The following TNFAIP8 variants were observed in gnomAD, a reference collection of about 807,000 sequenced individuals.
TNFAIP8 encodes tumor necrosis factor alpha-induced protein 8.
TNFAIP8 carries 7 observed loss-of-function variants against 13.3 expected under a neutral mutation model. That is an observed-to-expected ratio of 0.52 (90% CI 0.30 to 0.99). The LOEUF is 0.99. Among genes scored for constraint, TNFAIP8 ranks in the 50% least tolerant of loss-of-function variants. The probability of loss-of-function intolerance (pLI) is 0.07; values close to 1 mark genes in which losing one functional copy is unlikely to be tolerated. For missense variants in TNFAIP8, 258 were observed against 236.9 expected, an observed-to-expected ratio of 1.09 and a Z score of -0.58; for synonymous variants, 94 against 87.6, an observed-to-expected ratio of 1.07 and a Z score of -0.41.
chr5:119,320,109 A>G (rs947142370), intron 1 of TNFAIP8, among the ~76,000 whole-genome samples: 9 of 152,190 alleles, frequency 5.9e-5, no homozygotes, highest in Admixed American at 2.6e-4. Context: ...AGGGGATTCA[A>G]GTAGTGGACT....
At chr5:119,315,554 G>C (rs1248667686) in intron 1 of TNFAIP8, among the ~76,000 whole-genome samples, 4 of 152,184 alleles carry the variant, frequency 2.6e-5, no homozygotes, top group Non-Finnish European at 5.9e-5. Flanking sequence ...CCACAGTCTA[G>C]CTCCCAGGGG....
intron 1 of TNFAIP8, among the ~76,000 whole-genome samples, chr5:119,289,567 G>A (rs1051856339): frequency 6.6e-6 from 1 of 152,230 alleles, no homozygotes; most frequent in African/African-American, 2.4e-5. Flanking sequence ...CTGAGGCAGG[G>A]TGCCTGGCAC....
chr5:119,316,997 A>C (rs1749917681), intron 1 of TNFAIP8, among the ~76,000 whole-genome samples: 1 of 152,256 alleles, frequency 6.6e-6, no homozygotes, highest in Non-Finnish European at 1.5e-5. Flanking sequence ...ATGTTCTAGA[A>C]AAATCAGGCT....
At chr5:119,317,201 G>A (rs879869566) in intron 1 of TNFAIP8, among the ~76,000 whole-genome samples, 1 of 152,106 alleles carries the variant, frequency 6.6e-6, no homozygotes, top group African/African-American at 2.4e-5. Flanking sequence ...TTCTTGGGTA[G>A]GACTTCTTCC....
At chr5:119,289,994 T>G (rs1748931593) in intron 1 of TNFAIP8, among the ~76,000 whole-genome samples, 1 of 152,218 alleles carries the variant, frequency 6.6e-6, no homozygotes, top group South Asian at 2.1e-4. Flanking sequence ...AAAAATTCTC[T>G]CATCATTCAG....
chr5:119,306,126 T>C, intron 1 of TNFAIP8, among the ~76,000 whole-genome samples: 1 of 152,162 alleles, frequency 6.6e-6, no homozygotes, highest in Non-Finnish European at 1.5e-5. Flanking sequence ...ACCAACCCCC[T>C]CTACCTCTAG....
intron 1 of TNFAIP8, among the ~76,000 whole-genome samples, chr5:119,269,819 T>G (rs1193254502): frequency 6.6e-6 from 1 of 152,142 alleles, no homozygotes; most frequent in Non-Finnish European, 1.5e-5. Flanking sequence ...TGGGGGTCAG[T>G]ACTCCCTCAA....
intron 1 of TNFAIP8, among the ~76,000 whole-genome samples, chr5:119,366,464 C>A (rs1580427289): frequency 6.6e-6 from 1 of 152,262 alleles, no homozygotes; most frequent in East Asian, 1.9e-4. Flanking sequence ...AGTCGGAAGC[C>A]AGGGCAGTGT....
chr5:119,299,913 C>T (rs987263034), intron 1 of TNFAIP8, among the ~76,000 whole-genome samples: 2 of 152,232 alleles, frequency 1.3e-5, no homozygotes, highest in African/African-American at 2.4e-5. Flanking sequence ...CCCTCTGAGT[C>T]AGGTGCGGGT....
At chr5:119,340,058 G>A (rs115332977) in intron 1 of TNFAIP8, among the ~76,000 whole-genome samples, 95 of 152,310 alleles carry the variant, frequency 6.2e-4, no homozygotes, top group African/African-American at 2.2e-3. Flanking sequence ...GCAACATTCA[G>A]AAGGCTGGTG....
chr5:119,329,797 A>C (rs1213119730), intron 1 of TNFAIP8, among the ~76,000 whole-genome samples: 2 of 151,538 alleles, frequency 1.3e-5, no homozygotes, highest in East Asian at 4.0e-4. Flanking sequence ...GGATTTCCCC[A>C]GCCTTGTCTA....
At chr5:119,286,495 G>A (rs905619972) in intron 1 of TNFAIP8, among the ~76,000 whole-genome samples, 2 of 151,984 alleles carry the variant, frequency 1.3e-5, no homozygotes, top group East Asian at 1.9e-4. Context: ...AGTGGCGGGC[G>A]CCTGTAATTC....
intron 1 of TNFAIP8, among the ~76,000 whole-genome samples, chr5:119,291,762 GGTAA>G (rs1561985499): frequency 6.6e-6 from 1 of 152,124 alleles, no homozygotes; most frequent in African/African-American, 2.4e-5. Context: ...TCGTTGCCCG[GGTAA>G]GTATTTCACT....
upstream of TNFAIP8, chr5:119,354,739 A>T (rs1751316472): frequency 6.5e-6 from 1 of 153,024 alleles, no homozygotes; most frequent in Non-Finnish European, 1.5e-5. Context: ...ATAAGGTCAT[A>T]CAAATGATAG....
chr5:119,355,071 A>G (rs1751331649), upstream of TNFAIP8: 1 of 466,094 alleles, frequency 2.1e-6, no homozygotes, highest in Non-Finnish European at 3.8e-6. Context: ...CCAAGGCTCC[A>G]CAGAGCTAAG....
At chr5:119,289,789 T>G (rs564312621) in intron 1 of TNFAIP8, among the ~76,000 whole-genome samples, 125 of 152,310 alleles carry the variant, frequency 8.2e-4, no homozygotes, top group African/African-American at 2.8e-3. Flanking sequence ...AAGTCCGAGG[T>G]AGAAGTGAGG....
intron 1 of TNFAIP8, among the ~76,000 whole-genome samples, chr5:119,288,895 A>G (rs1236729372): frequency 6.6e-6 from 1 of 152,254 alleles, no homozygotes; most frequent in African/African-American, 2.4e-5. Context: ...CTTACTACTC[A>G]TTCTTGGAAT....
rs1395364496 is a variant in TNFAIP8, at chr5:119,399,552, C to T, written c.*6171C>T. 1 of 151,988 alleles carries T rather than the reference C, an allele frequency of 6.6e-6. No homozygotes were observed. Among genetic ancestry groups the T allele is most frequent in the Non-Finnish European group, 1.5e-5 (1 of 67,972 alleles). The allele number at this position is 151,988 out of a possible 1,614,324, so 9.4% of individuals were successfully genotyped here. On this transcript the variant is annotated 3_prime_UTR_variant, in exon 2 of 2. Transcript: ENST00000504771. ...AGCCTGAGAGAATTTTGTTCAATTC[C>T]AGTCTCCTTAAAAAAAAATCGGTTT...
chr5:119,313,215 A>G (rs1164333289), intron 1 of TNFAIP8, among the ~76,000 whole-genome samples: 2 of 152,232 alleles, frequency 1.3e-5, no homozygotes, highest in African/African-American at 4.8e-5. Flanking sequence ...CCAAGAATCT[A>G]TATTTGAGTT....
Sources: allele counts gnomAD v4.1 joint callset (sites outside exome capture counted in the v4.1 genomes callset), GRCh38; gene constraint gnomAD v4.1.1; transcripts MANE v1.5; gene names NCBI Gene and HGNC (gene_info 2026-07-23, HGNC 2026-07-21).